CNIH4: variants seen among roughly 807,000 people sequenced by gnomAD.
The protein encoded by CNIH4 is protein cornichon homolog 4.
CNIH4 carries 9 observed loss-of-function variants against 21.5 expected under a neutral mutation model. That is an observed-to-expected ratio of 0.42 (90% CI 0.25 to 0.73). The LOEUF is 0.73. CNIH4 is among the 30% of genes least tolerant of loss of function. The pLI, the probability that CNIH4 is intolerant of heterozygous loss-of-function variation, is 0.27. For synonymous variants in CNIH4, 67 were observed against 59.1 expected, an observed-to-expected ratio of 1.13 and a Z score of -0.61; for missense variants, 159 against 170.0, an observed-to-expected ratio of 0.94 and a Z score of 0.36.
At chr1:224,362,299 G>T (rs1284634481) in intron 2 of CNIH4, among the ~76,000 whole-genome samples, 4 of 151,068 alleles carry the variant, frequency 2.6e-5, no homozygotes, top group Admixed American at 6.6e-5. Context: ...AGCCAGGATG[G>T]TCTCAATCTC....
At chr1:224,361,982 A>G (rs1316272359) in intron 2 of CNIH4, among the ~76,000 whole-genome samples, 1 of 152,156 alleles carries the variant, frequency 6.6e-6, no homozygotes, top group Non-Finnish European at 1.5e-5. Flanking sequence ...TAGTTGTCAG[A>G]GTACAGGGTT....
rs181992548 is a variant in CNIH4 at position 224,369,904 on chromosome 1, C to T, written c.252-1379C>T. On this transcript the variant is annotated intron_variant, in intron 3 of 4. Coordinates refer to ENST00000465271, the MANE Select transcript of CNIH4 (RefSeq NM_014184.4). ...TTGGTCAGGTTGGTCTTGAACTCAA[C>T]CTCAGGCAATCCTCCCGCCTCGGCC... 7.8e-4 allele frequency among the ~76,000 whole-genome samples: 118 copies of T among 152,024 alleles called. 1 individual carries two copies. Among genetic ancestry groups the T allele is most frequent in the East Asian group, 4.8e-3 (25 of 5,158 alleles).
rs1264086911 is a variant in CNIH4 at position 224,361,018 on chromosome 1, T to C, written c.138+455T>C. On this transcript the variant is annotated intron_variant, in intron 2 of 4. Transcript: ENST00000465271. ...TATTGAGAGAGAAGGTTTCTTGCAG[T>C]GGTGATCAGGCTATTCTTGAATTCC... is the stretch of plus-strand genomic sequence containing the variant. Among the ~76,000 whole-genome samples, 4 of 152,032 alleles carry C rather than the reference T, an allele frequency of 2.6e-5. No homozygotes were observed. The East Asian group carries it at 7.7e-4, about 29-fold the overall frequency.
chr1:224,364,098 ACATATTT>A (rs1296230599), intron 2 of CNIH4: 1 of 985,240 alleles, frequency 1.0e-6, no homozygotes, highest in East Asian at 1.1e-4. Flanking sequence ...GCTTCCTGAA[ACATATTT>A]CAGGCCAGTT....
At chr1:224,365,728 C>T (rs1214284120) in intron 2 of CNIH4, 151 bp from the exon 3 acceptor site, 4 of 634,738 alleles carry the variant, frequency 6.3e-6, no homozygotes, top group Non-Finnish European at 1.2e-5. Flanking sequence ...AAAGTTATAG[C>T]AGTATGCAAA....
chr1:224,368,661 C>CTT (rs1294062152), intron 3 of CNIH4, among the ~76,000 whole-genome samples: 6 of 130,336 alleles, frequency 4.6e-5, no homozygotes, highest in African/African-American at 1.6e-4. Flanking sequence ...AGCAGCTGCA[C>CTT]TTTTTTTTTT....
chr1:224,362,103 C>T lies in CNIH4; in HGVS notation c.138+1540C>T, dbSNP rs1325380487. Among the ~76,000 whole-genome samples, 7 of 144,842 alleles carry T rather than the reference C, an allele frequency of 4.8e-5. No individual in the cohort carries two copies. In the South Asian group the frequency reaches 6.6e-4, roughly 14 times the overall value. The stretch of plus-strand genomic sequence containing the variant: ...CCATGCCATTTTTTTTTTTTTGAGA[C>T]GGAGTCTCACTCTGTTGCCTAAGCT... On this transcript the variant is annotated intron_variant, in intron 2 of 4. Coordinates refer to ENST00000465271, the MANE Select transcript of CNIH4 (RefSeq NM_014184.4).
rs1262333469 is a variant in CNIH4, at chr1:224,376,587, C to T, written c.*765C>T. On this transcript the variant is annotated 3_prime_UTR_variant, in exon 5 of 5. Transcript: ENST00000465271. The stretch of plus-strand genomic sequence containing the variant: ...TTTGATCTCCCTGATAACGTATTTT[C>T]ATGGGTTTGGGTAGAAGATGCTAAT... 2 of 985,258 alleles carry T rather than the reference C, an allele frequency of 2.0e-6. No homozygotes were observed. The highest frequency in any genetic ancestry group is 3.5e-5 in the African/African-American group (2 of 57,222). 61.0% of individuals were successfully genotyped at this position (985,258 alleles called of 1,614,324 possible).
chr1:224,376,605 A>T lies in CNIH4; in HGVS notation c.*783A>T, dbSNP rs1672787573. ...GTATTTTCATGGGTTTGGGTAGAAGATGCTAATCAGATTAGAAGCAGGAAT... is the reference window on the plus strand; with the variant it reads ...GTATTTTCATGGGTTTGGGTAGAAGTTGCTAATCAGATTAGAAGCAGGAAT... On this transcript the variant is annotated 3_prime_UTR_variant, in exon 5 of 5. Coordinates refer to ENST00000465271, the MANE Select transcript of CNIH4 (RefSeq NM_014184.4). 1 of 985,292 alleles carries T rather than the reference A, an allele frequency of 1.0e-6. No homozygotes were observed. Among genetic ancestry groups the T allele is most frequent in the Admixed American group, 6.1e-5 (1 of 16,262 alleles). The allele number at this position is 985,292 out of a possible 1,614,324, so 61.0% of individuals were successfully genotyped here. A position where few individuals can be genotyped will look rare whatever the true frequency, so the allele number is the denominator to read the frequency against.
At chr1:224,372,564 G>GTT (rs965162213) in intron 4 of CNIH4, among the ~76,000 whole-genome samples, 1 of 147,184 alleles carries the variant, frequency 6.8e-6, no homozygotes, top group African/African-American at 2.5e-5. Flanking sequence ...GATAGCAGGG[G>GTT]TTTTTTTTTT....
In CNIH4 at chr1:224,356,903, G is replaced by C. The variant is rs1352665559; in HGVS notation, c.-22G>C. ...CATCCGAGCGGGTTTGACGGAAGGA[G>C]CGGCGGCGACGGAGGAGGAGGATGG... On this transcript the variant is annotated 5_prime_UTR_variant, in exon 1 of 5. Transcript: ENST00000465271. 3 of 1,593,406 alleles carry C rather than the reference G, an allele frequency of 1.9e-6. No individual in the cohort carries two copies. In the African/African-American group the frequency reaches 4.0e-5, roughly 21 times the overall value.
rs891375559 is a variant in CNIH4 at position 224,379,293 on chromosome 1, G to A, written c.*3471G>A. ...CCATGGCACTTACCACATTCTATCTGGTATTACAGTTATTTGTATGCAATT... is the reference window on the plus strand; with the variant it reads ...CCATGGCACTTACCACATTCTATCTAGTATTACAGTTATTTGTATGCAATT... On this transcript the variant is annotated 3_prime_UTR_variant, in exon 5 of 5. Transcript: ENST00000465271. The A allele has an allele frequency of 2.7e-5, 16 of 597,994 alleles. No homozygotes were observed. In the African/African-American group the frequency reaches 2.8e-4, roughly 10 times the overall value. 37.0% of individuals were successfully genotyped at this position (597,994 alleles called of 1,614,324 possible).
chr1:224,364,321 C>T, intron 2 of CNIH4: 1 of 985,404 alleles, frequency 1.0e-6, no homozygotes, highest in Non-Finnish European at 1.2e-6. Flanking sequence ...AATCCAGAGA[C>T]TGAAGGCTAT....
chr1:224,374,493 C>A (rs1411647456), intron 4 of CNIH4, among the ~76,000 whole-genome samples: 1 of 151,256 alleles, frequency 6.6e-6, no homozygotes, highest in Non-Finnish European at 1.5e-5. Flanking sequence ...CAGCTCACTG[C>A]AGCCTCCGCC....
At chr1:224,370,771 A>G (rs1672599638) in intron 3 of CNIH4, among the ~76,000 whole-genome samples, 1 of 152,180 alleles carries the variant, frequency 6.6e-6, no homozygotes, top group African/African-American at 2.4e-5. Context: ...GCAGAAGATT[A>G]ACAGTATTAT....
At chr1:224,365,495 C>G (rs1672425551) in intron 2 of CNIH4, among the ~76,000 whole-genome samples, 1 of 152,168 alleles carries the variant, frequency 6.6e-6, no homozygotes. Context: ...CGTTGCTATT[C>G]TGACTTGAAA....
In CNIH4 at chr1:224,375,825, C is replaced by T. The variant is rs1406179323; in HGVS notation, c.*3C>T. On this transcript the variant is annotated 3_prime_UTR_variant, in exon 5 of 5. Transcript: ENST00000465271. ...TCTTAGCTTTGATAAATGACTGAAG[C>T]TGGAGAAGCCGTGGTTGAAGTCAGC... 1 of 1,614,040 alleles carries T rather than the reference C, an allele frequency of 6.2e-7. No homozygotes were observed. Among genetic ancestry groups the T allele is most frequent in the African/African-American group, 1.3e-5 (1 of 75,024 alleles).
chr1:224,377,544 G>A lies in CNIH4; in HGVS notation c.*1722G>A, dbSNP rs1051628439. 2 of 150,256 alleles carry A rather than the reference G, an allele frequency of 1.3e-5. No individual in the cohort carries two copies. Among genetic ancestry groups the A allele is most frequent in the African/African-American group, 4.9e-5 (2 of 40,454 alleles). 9.3% of individuals were successfully genotyped at this position (150,256 alleles called of 1,614,324 possible). ...TGTGTTGCCCAGGCTGGAGTGCAGT[G>A]GTGTGATCTCAGCTCACTGCAACCT... On this transcript the variant is annotated 3_prime_UTR_variant, in exon 5 of 5. Coordinates refer to ENST00000465271, the MANE Select transcript of CNIH4 (RefSeq NM_014184.4).
intron 3 of CNIH4, among the ~76,000 whole-genome samples, chr1:224,368,031 C>T (rs893849281): frequency 6.6e-6 from 1 of 152,180 alleles, no homozygotes; most frequent in Non-Finnish European, 1.5e-5. Flanking sequence ...GAAGTCAAGT[C>T]CAAAGATTCT....
Sources: gnomAD v4.1 joint callset for allele counts (sites outside exome capture counted in the v4.1 genomes callset) on GRCh38, gnomAD v4.1.1 for gene constraint, MANE v1.5 for transcripts, NCBI Gene and HGNC (gene_info 2026-07-23, HGNC 2026-07-21) for gene names.